Variants in RNGTT observed in about 807,000 individuals in gnomAD.
The protein encoded by RNGTT is mRNA-capping enzyme.
A neutral mutation model predicts 79.3 loss-of-function variants in RNGTT; 33 were observed. That is an observed-to-expected ratio of 0.42 (90% CI 0.32 to 0.56). The LOEUF (loss-of-function observed/expected upper bound fraction) is 0.56. Among genes scored for constraint, RNGTT ranks in the 20% least tolerant of loss-of-function variants. RNGTT has a pLI of 0.17. For synonymous variants in RNGTT, 222 were observed against 235.9 expected (o/e 0.94, Z 0.54); for missense variants, 497 against 739.1 (o/e 0.67, Z 3.80).
intron 9 of RNGTT, among the ~76,000 whole-genome samples, chr6:88,851,854 T>C (rs1781684585): frequency 6.6e-6 from 1 of 151,938 alleles, no homozygotes; most frequent in Admixed American, 6.6e-5. Context: ...TGAATCATAC[T>C]GCTATTTTTA....
At chr6:88,857,401 T>C (rs1781876820) in intron 8 of RNGTT, among the ~76,000 whole-genome samples, 1 of 152,136 alleles carries the variant, frequency 6.6e-6, no homozygotes, top group African/African-American at 2.4e-5. Context: ...GCAGAAATCC[T>C]ATCTATTTTG....
At chr6:88,788,027 T>C (rs1779287875) in intron 12 of RNGTT, among the ~76,000 whole-genome samples, 1 of 152,188 alleles carries the variant, frequency 6.6e-6, no homozygotes, top group Non-Finnish European at 1.5e-5. Flanking sequence ...CTTCTCAACT[T>C]ACAACGGCAT....
intron 11 of RNGTT, among the ~76,000 whole-genome samples, chr6:88,826,799 AATATATATATATATATATGTGTGTGTAT>A (rs1780672517): frequency 7.9e-6 from 1 of 126,920 alleles, no homozygotes; most frequent in Non-Finnish European, 1.6e-5. Context: ...AAAAAAAAAA[AATATATATATATATATATGTGTGTGTAT>A]ATATATATAT....
At chr6:88,665,736 G>A (rs1411986346) in intron 14 of RNGTT, among the ~76,000 whole-genome samples, 1 of 152,146 alleles carries the variant, frequency 6.6e-6, no homozygotes, top group Admixed American at 6.5e-5. Context: ...CCATCTTTGG[G>A]GAGGCACTGG....
rs6926342 is a variant in RNGTT, at chr6:88,872,657, T to C, written c.896+17838A>G. On this transcript the variant is annotated intron_variant, in intron 8 of 15. Transcript: ENST00000369485. ...TAAATATTTGAATTTTAAACTGTTA[T>C]ATTTTGGGGTAATTTTAGGGTAATT... Among the ~76,000 whole-genome samples, 1,184 of 152,280 alleles carry C rather than the reference T, an allele frequency of 7.8e-3. 9 individuals are homozygous for C. The highest frequency in any genetic ancestry group is 0.026 in the African/African-American group (1,095 of 41,546).
At chr6:88,963,250 A>C (rs1785705164) in intron 1 of RNGTT, 96 bp downstream of exon 1, 1 of 1,248,860 alleles carries the variant, frequency 8.0e-7, no homozygotes, top group Non-Finnish European at 1.2e-6. Flanking sequence ...AAATACCACT[A>C]ATGGGCACAG....
chr6:88,918,180 A>G (rs1784057384), intron 4 of RNGTT, among the ~76,000 whole-genome samples: 1 of 151,112 alleles, frequency 6.6e-6, no homozygotes, highest in South Asian at 2.1e-4. Flanking sequence ...AAAAATAGCC[A>G]GGCATGGTGG....
chr6:88,861,271 C>G (rs1782004658), intron 8 of RNGTT, among the ~76,000 whole-genome samples: 2 of 152,058 alleles, frequency 1.3e-5, no homozygotes, highest in South Asian at 4.1e-4. Context: ...ACCACTTTCC[C>G]AGACAGAATA....
At chr6:88,717,111 A>C (rs1776545217) in intron 13 of RNGTT, among the ~76,000 whole-genome samples, 1 of 152,210 alleles carries the variant, frequency 6.6e-6, no homozygotes, top group Non-Finnish European at 1.5e-5. Flanking sequence ...TGGCTCCACA[A>C]AGGAGCTATA....
At chr6:88,873,958 T>C (rs1340352237) in intron 8 of RNGTT, among the ~76,000 whole-genome samples, 1 of 152,178 alleles carries the variant, frequency 6.6e-6, no homozygotes, top group Non-Finnish European at 1.5e-5. Context: ...AAACTTATTA[T>C]TCGTAGCACA....
rs1784344430 is a variant in RNGTT, at chr6:88,927,100, C to CA, written c.367+1884dup. 2.0e-5 allele frequency among the ~76,000 whole-genome samples: 3 copies of CA among 151,746 alleles called. No homozygotes were observed. The South Asian group carries it at 6.3e-4, about 32-fold the overall frequency. ...ATGAAAAAAAGTTTTAAAATATTAC[C>CA]AAAAAATTAAAATGAGATGAATAGG... On this transcript the variant is annotated intron_variant, in intron 4 of 15. Coordinates refer to ENST00000369485, the MANE Select transcript of RNGTT (RefSeq NM_003800.5).
chr6:88,914,112 A>C (rs563950624), intron 4 of RNGTT, among the ~76,000 whole-genome samples: 1 of 152,286 alleles, frequency 6.6e-6, no homozygotes, highest in Admixed American at 6.5e-5. Flanking sequence ...AGAACTACAA[A>C]ACACTGATGA....
intron 8 of RNGTT, among the ~76,000 whole-genome samples, chr6:88,871,295 T>C (rs1244404185): frequency 6.6e-6 from 1 of 151,632 alleles, no homozygotes; most frequent in African/African-American, 2.4e-5. Context: ...ACTTATACAA[T>C]GGAATGTTCC....
intron 1 of RNGTT, among the ~76,000 whole-genome samples, chr6:88,946,934 G>A (rs551057045): frequency 0.012 from 1,327 of 115,002 alleles, 12 homozygotes; most frequent in Non-Finnish European, 0.017. Context: ...ACGGAGTCTC[G>A]TTCACTCAGT....
At chr6:88,735,195 T>A (rs943354603) in intron 13 of RNGTT, among the ~76,000 whole-genome samples, 1 of 152,048 alleles carries the variant, frequency 6.6e-6, no homozygotes, top group African/African-American at 2.4e-5. Flanking sequence ...CAAAAACTAA[T>A]GGAATTAAAA....
intron 13 of RNGTT, among the ~76,000 whole-genome samples, chr6:88,703,457 G>A (rs545756106): frequency 7.2e-5 from 11 of 152,144 alleles, no homozygotes; most frequent in Middle Eastern, 3.4e-3. Flanking sequence ...AACAGAAAAC[G>A]CAGGTTCTCC....
intron 11 of RNGTT, among the ~76,000 whole-genome samples, chr6:88,843,341 T>A (rs1356607525): frequency 1.3e-5 from 2 of 152,004 alleles, no homozygotes; most frequent in Non-Finnish European, 2.9e-5. Flanking sequence ...ACAGTGTTGG[T>A]AATAGCAAAG....
chr6:88,755,698 C>G (rs933789954), intron 13 of RNGTT, among the ~76,000 whole-genome samples: 2 of 151,940 alleles, frequency 1.3e-5, no homozygotes, highest in Admixed American at 6.6e-5. Flanking sequence ...CATAGTGGAT[C>G]ACACCTGTAA....
intron 14 of RNGTT, among the ~76,000 whole-genome samples, chr6:88,617,919 G>T (rs916623488): frequency 1.3e-5 from 2 of 151,572 alleles, no homozygotes; most frequent in African/African-American, 4.9e-5. Context: ...TGATGACATA[G>T]GAAGGCTGAC....
Sources: gnomAD v4.1 joint callset for allele counts (sites outside exome capture counted in the v4.1 genomes callset) on GRCh38, gnomAD v4.1.1 for gene constraint, MANE v1.5 for transcripts, NCBI Gene and HGNC (gene_info 2026-07-23, HGNC 2026-07-21) for gene names.